ZMYM2: variants seen among roughly 807,000 people sequenced by gnomAD.
ZMYM2 encodes zinc finger MYM-type protein 2.
ZMYM2 carries 56 observed loss-of-function variants against 162.8 expected under a neutral mutation model. The observed-to-expected ratio is 0.34, with a 90% CI of 0.28 to 0.43. ZMYM2 has a LOEUF of 0.43. Ranked by LOEUF, ZMYM2 falls within the 20% of genes least tolerant of loss-of-function variation. The pLI is 1.00. For missense variants in ZMYM2, 1,275 were observed against 1,621.8 expected, an observed-to-expected ratio of 0.79 and a Z score of 3.67; for synonymous variants, 510 against 541.6, an observed-to-expected ratio of 0.94 and a Z score of 0.81.
At chr13:19,883,380 A>G in the ZMYM2 span, among the ~76,000 whole-genome samples, 1,837 of 152,332 alleles carry the variant, frequency 0.012, 38 homozygotes, top group African/African-American at 0.04. Flanking sequence ...TACAACTTAG[A>G]AATGTCTAAT....
At chr13:19,984,459 G>A (rs1948977837) in intron 2 of ZMYM2, among the ~76,000 whole-genome samples, 1 of 152,118 alleles carries the variant, frequency 6.6e-6, no homozygotes, top group South Asian at 2.1e-4. Flanking sequence ...TGTGCTAAGT[G>A]GTTTTCACAT....
At chr13:20,057,527 G>GTTGTT (rs1955890646) in intron 14 of ZMYM2, among the ~76,000 whole-genome samples, 1 of 152,132 alleles carries the variant, frequency 6.6e-6, no homozygotes, top group Admixed American at 6.6e-5. Flanking sequence ...TGTTCACAGT[G>GTTGTT]TTGTTTACTC....
At chr13:19,884,427 A>G in the ZMYM2 span, among the ~76,000 whole-genome samples, 1 of 152,172 alleles carries the variant, frequency 6.6e-6, no homozygotes, top group Admixed American at 6.5e-5. Flanking sequence ...GATACAAAAA[A>G]ATAAGCCAGA....
chr13:20,000,585 G>A (rs9508996), intron 3 of ZMYM2, among the ~76,000 whole-genome samples: 17,457 of 152,168 alleles, frequency 0.11, 2,033 homozygotes, highest in African/African-American at 0.3. Flanking sequence ...ACAAAGCCCC[G>A]ATGACAGCAT....
the ZMYM2 span, among the ~76,000 whole-genome samples, chr13:19,909,275 T>C: frequency 6.6e-6 from 1 of 152,176 alleles, no homozygotes; most frequent in African/African-American, 2.4e-5. Context: ...ATCTTTCCAA[T>C]TGTTGGAAAA....
the ZMYM2 span, among the ~76,000 whole-genome samples, chr13:19,937,945 A>G: frequency 5.1e-4 from 78 of 152,010 alleles, no homozygotes; most frequent in Middle Eastern, 3.4e-3. Flanking sequence ...AGTTTCATCC[A>G]TGACCCTACA....
intron 6 of ZMYM2, among the ~76,000 whole-genome samples, chr13:20,018,078 G>A (rs1485890118): frequency 1.3e-5 from 2 of 152,112 alleles, no homozygotes; most frequent in African/African-American, 2.4e-5. Flanking sequence ...TCTTGTTATT[G>A]CTGAGTGGAT....
intron 10 of ZMYM2, 147 bp from the exon 11 acceptor site, chr13:20,034,107 C>A: frequency 1.5e-6 from 1 of 657,046 alleles, no homozygotes; most frequent in Non-Finnish European, 2.2e-6. Flanking sequence ...ATTGGTTAAA[C>A]TAGGCATCCA....
intron 2 of ZMYM2, among the ~76,000 whole-genome samples, chr13:19,976,664 T>A (rs1377524497): frequency 6.6e-6 from 1 of 152,258 alleles, no homozygotes; most frequent in African/African-American, 2.4e-5. Flanking sequence ...CCTGCAGTAT[T>A]TGTCTTTTTG....
At chr13:20,041,009 G>A (rs1458556902) in intron 12 of ZMYM2, among the ~76,000 whole-genome samples, 1 of 152,158 alleles carries the variant, frequency 6.6e-6, no homozygotes, top group Admixed American at 6.5e-5. Context: ...ACTGAGGAAT[G>A]TTTTATATGT....
chr13:19,937,711 A>G, the ZMYM2 span, among the ~76,000 whole-genome samples: 2 of 151,396 alleles, frequency 1.3e-5, no homozygotes, highest in African/African-American at 4.9e-5. Context: ...ATAAGTATAC[A>G]TGTGCCATGT....
chr13:20,023,313 T>C (rs1952282246), intron 7 of ZMYM2, among the ~76,000 whole-genome samples: 1 of 152,214 alleles, frequency 6.6e-6, no homozygotes, highest in Non-Finnish European at 1.5e-5. Context: ...CGCCATTTCC[T>C]AAATTAGATT....
chr13:19,870,463 T>G, the ZMYM2 span, among the ~76,000 whole-genome samples: 1 of 150,966 alleles, frequency 6.6e-6, no homozygotes, highest in Non-Finnish European at 1.5e-5. Context: ...TCTTTCTCTC[T>G]TCTTTCCTTC....
upstream of ZMYM2, among the ~76,000 whole-genome samples, chr13:19,955,294 G>C (rs577545869): frequency 6.6e-6 from 1 of 151,894 alleles, no homozygotes; most frequent in Non-Finnish European, 1.5e-5. Context: ...AATTTACTGA[G>C]GTCTATATTA....
At chr13:19,905,906 C>T in the ZMYM2 span, among the ~76,000 whole-genome samples, 1 of 151,720 alleles carries the variant, frequency 6.6e-6, no homozygotes, top group Non-Finnish European at 1.5e-5. Context: ...TTTGGGAGGC[C>T]ACAGTGGGAG....
chr13:19,897,772 A>G, the ZMYM2 span, among the ~76,000 whole-genome samples: 2 of 152,084 alleles, frequency 1.3e-5, no homozygotes, highest in African/African-American at 2.4e-5. Flanking sequence ...TATGTAATTG[A>G]CCATATAAAA....
At chr13:20,051,352 A>G in intron 12 of ZMYM2, 81 bp from the exon 13 acceptor site, 1 of 1,471,202 alleles carries the variant, frequency 6.8e-7, no homozygotes, top group Non-Finnish European at 9.2e-7. Flanking sequence ...GTTTTATCAC[A>G]TTTGGCAATA....
intron 12 of ZMYM2, among the ~76,000 whole-genome samples, chr13:20,037,716 G>A (rs1953858485): frequency 6.6e-6 from 1 of 152,132 alleles, no homozygotes; most frequent in East Asian, 1.9e-4. Context: ...ATGTGTGTAT[G>A]TGTATGTGTC....
At chr13:20,034,708 GT>G (rs1462535796) in intron 11 of ZMYM2, among the ~76,000 whole-genome samples, 1 of 152,122 alleles carries the variant, frequency 6.6e-6, no homozygotes, top group Non-Finnish European at 1.5e-5. Context: ...TTTCCAAGTG[GT>G]TTAAAATTGT....
Sources: allele counts gnomAD v4.1 joint callset (sites outside exome capture counted in the v4.1 genomes callset), GRCh38; gene constraint gnomAD v4.1.1; transcripts MANE v1.5; gene names NCBI Gene and HGNC (gene_info 2026-07-23, HGNC 2026-07-21).